The following CCDC102B variants were observed in gnomAD, a reference collection of about 807,000 sequenced individuals.
The protein encoded by CCDC102B is coiled-coil domain-containing protein 102B.
A neutral mutation model predicts 57.4 loss-of-function variants in CCDC102B; 75 were observed. The ratio of observed to expected loss-of-function variants is 1.31; its 90% CI spans 1.08 to 1.58. CCDC102B has a LOEUF of 1.58. Among genes scored for constraint, CCDC102B ranks in the 40% most tolerant of loss-of-function variants. The pLI is 0.00. For synonymous variants in CCDC102B, 206 were observed against 201.9 expected, an observed-to-expected ratio of 1.02 and a Z score of -0.17; for missense variants, 636 against 582.6, an observed-to-expected ratio of 1.09 and a Z score of -0.94.
chr18:69,046,230 A>G (rs62096602), intron 7 of CCDC102B, among the ~76,000 whole-genome samples: 13,187 of 152,214 alleles, frequency 0.087, 773 homozygotes, highest in Admixed American at 0.12. Context: ...ATGCATAAGT[A>G]TTCCCTATCC....
intron 6 of CCDC102B, among the ~76,000 whole-genome samples, chr18:69,009,337 C>T (rs1166563894): frequency 6.6e-6 from 1 of 152,104 alleles, no homozygotes; most frequent in Non-Finnish European, 1.5e-5. Flanking sequence ...AGAACATTCT[C>T]ATCACAAGGT....
chr18:68,880,371 C>T (rs1210314341), intron 5 of CCDC102B, among the ~76,000 whole-genome samples: 13 of 152,344 alleles, frequency 8.5e-5, no homozygotes, highest in Middle Eastern at 3.4e-3. Flanking sequence ...CCTGCTCGTG[C>T]CTCTCCCTCC....
At chr18:68,867,533 T>G (rs2039047788) in intron 4 of CCDC102B, among the ~76,000 whole-genome samples, 1 of 152,054 alleles carries the variant, frequency 6.6e-6, no homozygotes, top group South Asian at 2.1e-4. Flanking sequence ...TAAAGGACAA[T>G]TCTGTTCATT....
chr18:68,980,512 G>A (rs1045023537), intron 6 of CCDC102B, among the ~76,000 whole-genome samples: 1 of 151,804 alleles, frequency 6.6e-6, no homozygotes, highest in East Asian at 1.9e-4. Flanking sequence ...TACTCCCTAA[G>A]AAAGATTAAT....
chr18:69,023,542 G>C (rs1396255386), intron 7 of CCDC102B, among the ~76,000 whole-genome samples: 2 of 151,266 alleles, frequency 1.3e-5, no homozygotes, highest in Non-Finnish European at 2.9e-5. Context: ...GAGTGCTACT[G>C]GTATAATTTA....
intron 6 of CCDC102B, among the ~76,000 whole-genome samples, chr18:68,925,215 T>C (rs1250548738): frequency 1.3e-5 from 2 of 152,054 alleles, no homozygotes; most frequent in African/African-American, 2.4e-5. Context: ...CTATTCTTCG[T>C]TAGTTCTCAA....
chr18:69,037,413 C>T (rs1442058892), intron 7 of CCDC102B, among the ~76,000 whole-genome samples: 3 of 151,932 alleles, frequency 2.0e-5, no homozygotes, highest in Non-Finnish European at 4.4e-5. Context: ...TAAAGGACAA[C>T]AAGAGGTAGA....
chr18:68,915,334 A>T (rs2041032455), intron 6 of CCDC102B, among the ~76,000 whole-genome samples: 2 of 152,208 alleles, frequency 1.3e-5, no homozygotes, highest in East Asian at 3.9e-4. Context: ...TATGTATGAC[A>T]AAAATAATTC....
At chr18:68,717,118 C>A (rs1406646287) in intron 2 of CCDC102B, among the ~76,000 whole-genome samples, 1 of 151,784 alleles carries the variant, frequency 6.6e-6, no homozygotes, top group Non-Finnish European at 1.5e-5. Context: ...GTGGCACACA[C>A]CTGTGGTCCC....
intron 5 of CCDC102B, among the ~76,000 whole-genome samples, chr18:68,881,916 C>G (rs2144960989): frequency 6.6e-6 from 1 of 152,174 alleles, no homozygotes; most frequent in South Asian, 2.1e-4. Context: ...TTTATTTGTA[C>G]ATTTTTGAGA....
chr18:69,049,759 C>CAAG lies in CCDC102B; in HGVS notation c.1435-4269_1435-4267dup, dbSNP rs201776212. On this transcript the variant is annotated intron_variant, in intron 7 of 7. Coordinates refer to ENST00000360242, the MANE Select transcript of CCDC102B (RefSeq NM_024781.3). ...TTTTTCCTAAAAAGCAGTTCAAAGC[C>CAAG]AAGACCTCTCAGCTTATTCAGAGTA... 9.6e-3 allele frequency among the ~76,000 whole-genome samples: 1,453 copies of CAAG among 152,126 alleles called. 21 individuals carry two copies. The highest frequency in any genetic ancestry group is 0.061 in the East Asian group (318 of 5,172).
chr18:68,977,731 T>C (rs372854968), intron 6 of CCDC102B, among the ~76,000 whole-genome samples: 23 of 152,152 alleles, frequency 1.5e-4, no homozygotes, highest in Admixed American at 5.9e-4. Context: ...TACAGGCCTT[T>C]GGATCTTACA....
chr18:68,750,410 A>C (rs1220957579), intron 2 of CCDC102B, among the ~76,000 whole-genome samples: 1 of 152,206 alleles, frequency 6.6e-6, no homozygotes, highest in African/African-American at 2.4e-5. Flanking sequence ...CTAGAACTAG[A>C]AATACGATTT....
At chr18:68,869,797 A>G (rs901785793) in intron 4 of CCDC102B, among the ~76,000 whole-genome samples, 3 of 151,866 alleles carry the variant, frequency 2.0e-5, no homozygotes, top group South Asian at 2.1e-4. Flanking sequence ...GTCTTTTCCC[A>G]TGCCTATGTC....
At chr18:69,042,353 A>G (rs2052454302) in intron 7 of CCDC102B, among the ~76,000 whole-genome samples, 2 of 152,104 alleles carry the variant, frequency 1.3e-5, no homozygotes, top group Non-Finnish European at 2.9e-5. Flanking sequence ...AGCCTGTTTC[A>G]TACCTCAAAG....
chr18:68,973,301 A>G (rs1417303850), intron 6 of CCDC102B, among the ~76,000 whole-genome samples: 1 of 152,142 alleles, frequency 6.6e-6, no homozygotes. Context: ...AAACCCCAGA[A>G]GATAAGAATC....
intron 3 of CCDC102B, among the ~76,000 whole-genome samples, chr18:68,844,055 T>C (rs571748725): frequency 1.3e-5 from 2 of 151,960 alleles, no homozygotes; most frequent in South Asian, 2.1e-4. Flanking sequence ...AATGGTAACC[T>C]TTTACATAAT....
intron 4 of CCDC102B, among the ~76,000 whole-genome samples, chr18:68,874,451 A>G (rs1472235743): frequency 7.2e-6 from 1 of 139,444 alleles, no homozygotes; most frequent in Non-Finnish European, 1.6e-5. Flanking sequence ...GGATTTATGG[A>G]GATTTGCTGA....
At chr18:68,797,197 G>A (rs1019554508), upstream of CCDC102B, among the ~76,000 whole-genome samples, 9 of 152,114 alleles carry the variant, frequency 5.9e-5, no homozygotes, top group African/African-American at 2.2e-4. Context: ...GGAAAAGAAT[G>A]TTAAGTAGAG....
Sources: gnomAD v4.1 joint callset for allele counts (sites outside exome capture counted in the v4.1 genomes callset) on GRCh38, gnomAD v4.1.1 for gene constraint, MANE v1.5 for transcripts, NCBI Gene and HGNC (gene_info 2026-07-23, HGNC 2026-07-21) for gene names.